Variants in CTH observed in about 807,000 individuals in gnomAD.
CTH encodes cystathionase (cystathionine gamma-lyase).
CTH carries 41 observed loss-of-function variants against 50.6 expected under a neutral mutation model. The observed-to-expected ratio is 0.81, with a 90% CI of 0.63 to 1.05. CTH has a LOEUF of 1.05. Ranked by LOEUF, CTH falls within the 50% of genes least tolerant of loss-of-function variation. CTH has a pLI of 0.00. For synonymous variants in CTH, 156 were observed against 168.9 expected (o/e 0.92, Z 0.59); for missense variants, 470 against 492.6 (o/e 0.95, Z 0.43).
intron 1 of CTH, among the ~76,000 whole-genome samples, chr1:70,415,484 C>T (rs1334358512): frequency 1.3e-5 from 2 of 151,994 alleles, no homozygotes; most frequent in African/African-American, 4.8e-5. Flanking sequence ...ATTCTGTTGG[C>T]TCATGCAAGT....
chr1:70,422,451 G>T (rs1684245781), intron 4 of CTH, among the ~76,000 whole-genome samples: 1 of 152,172 alleles, frequency 6.6e-6, no homozygotes, highest in African/African-American at 2.4e-5. Context: ...CCAAGATTAT[G>T]TTGCAATGAA....
chr1:70,429,695 T>G, intron 5 of CTH, 99 bp from the exon 6 acceptor site: 1 of 857,330 alleles, frequency 1.2e-6, no homozygotes, highest in Non-Finnish European at 1.9e-6. Context: ...AAGTTAGTAT[T>G]GATTAGAATA....
chr1:70,420,311 G>T (rs1684186704), intron 3 of CTH, among the ~76,000 whole-genome samples: 1 of 152,100 alleles, frequency 6.6e-6, no homozygotes, highest in African/African-American at 2.4e-5. Flanking sequence ...TGGTTTTGTA[G>T]AATACAATTT....
At chr1:70,435,236 G>T in intron 10 of CTH, 59 bp downstream of exon 10, 1 of 1,454,014 alleles carries the variant, frequency 6.9e-7, no homozygotes. Context: ...TAATGATTGG[G>T]AAAGAAATAT....
rs1175851288 is a variant in CTH, at chr1:70,432,678, CTCTCTT to C, written c.877+445_877+450del. ...CTAAAATTCCCCTGAGGTTCTCTCT[CTCTCTT>C]TTTTTTTTTTTTTTTTTTTGAGACG... On this transcript the variant is annotated intron_variant, in intron 8 of 11. Transcript: ENST00000370938. 1.4e-4 allele frequency among the ~76,000 whole-genome samples: 18 copies of C among 128,336 alleles called. No homozygotes were observed. In the East Asian group the frequency reaches 1.8e-3, roughly 13 times the overall value. 84.2% of individuals were successfully genotyped at this position (128,336 alleles called of 152,430 possible). A position where few individuals can be genotyped will look rare whatever the true frequency, so the allele number is the denominator to read the frequency against.
At chr1:70,420,058 T>C (rs968129455) in intron 3 of CTH, among the ~76,000 whole-genome samples, 1 of 150,698 alleles carries the variant, frequency 6.6e-6, no homozygotes, top group Non-Finnish European at 1.5e-5. Context: ...AGTGGCACGA[T>C]CTCGGCTCAC....
At chr1:70,423,236 G>A (rs996266203) in intron 4 of CTH, among the ~76,000 whole-genome samples, 1 of 151,816 alleles carries the variant, frequency 6.6e-6, no homozygotes, top group Non-Finnish European at 1.5e-5. Flanking sequence ...AAAGTCAGAA[G>A]AGTTTAAACC....
chr1:70,432,196 C>G lies in CTH; in HGVS notation c.838C>G (p.Leu280Val). ...AAACGGAATGGCAGTTGCCCAGTTC[C>G]TGGAATCTAATCCTTGGGTAGAAAA... ...FKNGMAVAQF[L>V]ESNPWVEKVI... The change falls in exon 8 of 12, where the codon CTG (leucine) becomes GTG (valine). Residue 280 changes from leucine (L) to valine (V), a missense_variant. Coordinates refer to ENST00000370938, the MANE Select transcript of CTH (RefSeq NM_001902.6). The G allele has an allele frequency of 6.2e-7, 1 of 1,614,182 alleles. No individual in the cohort carries two copies. The highest frequency in any genetic ancestry group is 1.3e-5 in the African/African-American group (1 of 75,052).
At position 70,430,333 on chromosome 1, in the gene CTH, A is replaced by C; in HGVS notation, c.663A>C (p.Val221=). The C allele has an allele frequency of 1.3e-6, 2 of 1,594,882 alleles. No homozygotes were observed. The highest frequency in any genetic ancestry group is 1.7e-6 in the Non-Finnish European group (2 of 1,162,678). The part of the protein sequence containing the change: ...TKYMNGHSDV[V]MGLVSVNCES... ...TGTTTTTAGGCCACAGTGATGTTGT[A>C]ATGGGCCTGGTGTCTGTTAATTGTG... is the stretch of plus-strand genomic sequence containing the variant. The change falls in exon 7 of 12, where the codon GTA becomes GTC. Residue 221 remains valine, a synonymous_variant. Coordinates refer to ENST00000370938, the MANE Select transcript of CTH (RefSeq NM_001902.6).
rs899787506 is a variant in CTH at position 70,411,327 on chromosome 1, T to A, written c.-89T>A. On this transcript the variant is annotated 5_prime_UTR_variant, in exon 1 of 12. Coordinates refer to ENST00000370938, the MANE Select transcript of CTH (RefSeq NM_001902.6). The stretch of plus-strand genomic sequence containing the variant: ...CGTGCTTTAGCTCCTTCTCGCCTGA[T>A]CCTTCTGTCTCTCCCAACCCCGGAC... 1.3e-5 allele frequency: 17 copies of A among 1,354,814 alleles called. No homozygotes were observed. Among genetic ancestry groups the A allele is most frequent in the Non-Finnish European group, 1.8e-5 (17 of 944,132 alleles). 83.9% of individuals were successfully genotyped at this position (1,354,814 alleles called of 1,614,324 possible).
intron 3 of CTH, among the ~76,000 whole-genome samples, chr1:70,419,311 T>C (rs2101734004): frequency 6.6e-6 from 1 of 152,328 alleles, no homozygotes; most frequent in African/African-American, 2.4e-5. Context: ...TATAGCAGCA[T>C]GATTTATAAT....
chr1:70,421,563 C>T lies in CTH; in HGVS notation c.347-3C>T. ...CATTTTATCTGATTCCCTTCTGTCT[C>T]AGGTACAAACAGGTACTTCAGGCAA... On this transcript the variant is annotated splice_polypyrimidine_tract_variant and splice_region_variant and intron_variant, in intron 3 of 11. Coordinates refer to ENST00000370938, the MANE Select transcript of CTH (RefSeq NM_001902.6). 1.2e-6 allele frequency: 2 copies of T among 1,613,432 alleles called. No homozygotes were observed. The highest frequency in any genetic ancestry group is 1.7e-4 in the Middle Eastern group (1 of 6,058).
Position 70,411,299 on chromosome 1 carries a change from C to A in CTH, c.-117C>A. The stretch of plus-strand genomic sequence containing the variant: ...TTAGTGCGCTCGCCGTCGGCTCTAC[C>A]TGCGTGCTTTAGCTCCTTCTCGCCT... On this transcript the variant is annotated 5_prime_UTR_variant, in exon 1 of 12. It adds an upstream start codon to the 5' untranslated region. Coordinates refer to ENST00000370938, the MANE Select transcript of CTH (RefSeq NM_001902.6). 9.5e-7 allele frequency: 1 copy of A among 1,050,098 alleles called. No homozygotes were observed. The highest frequency in any genetic ancestry group is 1.5e-6 in the Non-Finnish European group (1 of 665,986). The allele number at this position is 1,050,098 out of a possible 1,614,324, so 65.0% of individuals were successfully genotyped here.
intron 10 of CTH, among the ~76,000 whole-genome samples, chr1:70,436,530 T>A (rs1246197977): frequency 6.6e-6 from 1 of 152,178 alleles, no homozygotes; most frequent in Non-Finnish European, 1.5e-5. Flanking sequence ...GTGTCTTCAT[T>A]TTTATAAACA....
chr1:70,420,793 T>C (rs188354071), intron 3 of CTH, among the ~76,000 whole-genome samples: 30 of 152,272 alleles, frequency 2.0e-4, no homozygotes, highest in Admixed American at 1.4e-3. Flanking sequence ...AATATAAAAG[T>C]CTCATGGCAA....
chr1:70,432,009 T>C lies in CTH; in HGVS notation c.725-74T>C. ...ACCTAGCTTCTGAGAGTCACTGTAATGGAAAAGAGAAGCCAGATAATTTCT... is the reference window on the plus strand; with the variant it reads ...ACCTAGCTTCTGAGAGTCACTGTAACGGAAAAGAGAAGCCAGATAATTTCT... On this transcript the variant is annotated intron_variant, in intron 7 of 11. Transcript: ENST00000370938. 5 of 1,517,086 alleles carry C rather than the reference T, an allele frequency of 3.3e-6. No homozygotes were observed. In the South Asian group the frequency reaches 5.6e-5, roughly 17 times the overall value. 94.0% of individuals were successfully genotyped at this position (1,517,086 alleles called of 1,614,324 possible). A position where few individuals can be genotyped will look rare whatever the true frequency, so the allele number is the denominator to read the frequency against.
chr1:70,424,488 G>A (rs900025507), intron 5 of CTH, 72 bp downstream of exon 5: 2 of 1,598,592 alleles, frequency 1.3e-6, no homozygotes, highest in South Asian at 2.3e-5. Flanking sequence ...GAAAGGACTT[G>A]CTTAAATTAA....
At chr1:70,412,700 T>A (rs981955850) in intron 1 of CTH, among the ~76,000 whole-genome samples, 1 of 152,206 alleles carries the variant, frequency 6.6e-6, no homozygotes, top group Admixed American at 6.5e-5. Flanking sequence ...GGCAAGTTAG[T>A]TAACCTATCA....
chr1:70,435,253 G>T, intron 10 of CTH, 76 bp downstream of exon 10: 1 of 1,326,948 alleles, frequency 7.5e-7, no homozygotes, highest in Non-Finnish European at 1.1e-6. Context: ...ATATGATAAG[G>T]TCAGGGATAA....
Sources: allele counts gnomAD v4.1 joint callset (sites outside exome capture counted in the v4.1 genomes callset), GRCh38; gene constraint gnomAD v4.1.1; transcripts MANE v1.5; gene names NCBI Gene and HGNC (gene_info 2026-07-23, HGNC 2026-07-21).